The following BRF1 variants were observed in gnomAD, a reference collection of about 807,000 sequenced individuals.
BRF1 encodes the protein transcription factor IIIB 90 kDa subunit.
Under a neutral mutation model 81.7 loss-of-function variants are expected in BRF1, and 59 were observed. The ratio of observed to expected loss-of-function variants is 0.72; its 90% confidence interval spans 0.59 to 0.90. BRF1 has a LOEUF of 0.90. Ranked by LOEUF, BRF1 falls within the 40% of genes least tolerant of loss-of-function variation. The probability of loss-of-function intolerance (pLI) is 0.00; values close to 1 mark genes in which losing one functional copy is unlikely to be tolerated. For synonymous variants in BRF1, 491 were observed against 395.6 expected, an observed-to-expected ratio of 1.24 and a Z score of -2.86; for missense variants, 1,050 against 936.3, an observed-to-expected ratio of 1.12 and a Z score of -1.58.
At chr14:105,241,115 G>T (rs1224226789) in intron 6 of BRF1, 150 bp downstream of exon 6, 2 of 1,284,360 alleles carry the variant, frequency 1.6e-6, no homozygotes, top group East Asian at 4.8e-5. Context: ...GAGGACCCCG[G>T]TGGGCCAGGC....
intron 10 of BRF1, among the ~76,000 whole-genome samples, chr14:105,224,167 G>C (rs140464425): frequency 1.1e-3 from 173 of 152,300 alleles, no homozygotes; most frequent in African/African-American, 3.9e-3. Context: ...TCAGGAGTTC[G>C]AGATCAGCCT....
At position 105,221,896 on chromosome 14, in the gene BRF1, G is replaced by C. The variant is rs776287971; in HGVS notation, c.1067C>G (p.Ala356Gly). Residue 356 changes from alanine to glycine, a missense_variant, in exon 11 of 18, where the codon GCG becomes GGG. This residue lies in a region of BRF1 where 1,043 missense variants were observed against 915.4 expected (regional missense o/e 1.14). Coordinates refer to ENST00000547530, the MANE Select transcript of BRF1 (RefSeq NM_001519.4). ...LAKDGSTEDT[A>G]SSLCGEEDTE... is the part of the protein sequence containing the mutation. ...GTCCTCCTCGCCACACAAGCTGGAC[G>C]CGGTGTCCTCGGTGGAGCCTAGGTG... The C allele has an allele frequency of 6.3e-7, 1 of 1,597,398 alleles. No individual in the cohort carries two copies. Among genetic ancestry groups the C allele is most frequent in the Admixed American group, 1.7e-5 (1 of 58,018 alleles).
rs1371715589 is a variant in BRF1 at position 105,228,895 on chromosome 14, C to G, written c.713G>C (p.Arg238Thr). Residue 238 changes from arginine (R) to threonine (T), a missense_variant, in exon 7 of 18, where the codon AGA becomes ACA. By Grantham distance (71) the Arg-to-Thr change is moderately conservative. Transcript: ENST00000547530. Reference sequence around the variant, plus strand: ...CACAGTCCTCCTGAAGTCATGCATTCTGGCTGCAACCAGGAGCGCTGGAAG... The same window carrying G: ...CACAGTCCTCCTGAAGTCATGCATTGTGGCTGCAACCAGGAGCGCTGGAAG... ...LCGAALLVAA[R>T]MHDFRRTVKE... 3 of 1,613,736 alleles carry G rather than the reference C, an allele frequency of 1.9e-6. No individual in the cohort carries two copies. Among genetic ancestry groups the G allele is most frequent in the East Asian group, 2.2e-5 (1 of 44,890 alleles).
intron 5 of BRF1, chr14:105,248,637 TCGGGCAGGGTCGCA>T: frequency 6.1e-6 from 6 of 978,618 alleles, no homozygotes; most frequent in Non-Finnish European, 6.0e-6. Flanking sequence ...TAGGCTGGGC[TCGGGCAGGGTCGCA>T]GGGGCGGGGG....
intron 5 of BRF1, chr14:105,249,265 C>T (rs2055413212): frequency 1.3e-6 from 2 of 1,564,114 alleles, no homozygotes; most frequent in Admixed American, 1.9e-5. Flanking sequence ...GCGGCGGCCC[C>T]TCTCGGAACG....
chr14:105,241,102 G>T (rs927622796), intron 6 of BRF1, among the ~76,000 whole-genome samples, 163 bp downstream of exon 6: 1 of 152,236 alleles, frequency 6.6e-6, no homozygotes, highest in Non-Finnish European at 1.5e-5. Flanking sequence ...GTCCTGGAGG[G>T]CTGAGGACCC....
intron 5 of BRF1, 38 bp from the exon 6 acceptor site, chr14:105,241,452 T>C (rs773060709): frequency 3.4e-5 from 54 of 1,606,044 alleles, no homozygotes; most frequent in Non-Finnish European, 4.3e-5. Flanking sequence ...CACCTCCATG[T>C]GCCATGGCAC....
chr14:105,298,398 G>A (rs1313307659), intron 1 of BRF1, among the ~76,000 whole-genome samples: 1 of 152,216 alleles, frequency 6.6e-6, no homozygotes. Context: ...CAACAGGGCA[G>A]GACACAAGGC....
chr14:105,251,078 G>A, intron 5 of BRF1: 1 of 212,476 alleles, frequency 4.7e-6, no homozygotes, highest in Non-Finnish European at 1.0e-5. Flanking sequence ...TGTAATAAAG[G>A]TTGCCTAAAA....
Position 105,300,611 on chromosome 14 carries a change from G to T in BRF1, c.19C>A (p.Arg7Ser). The change falls in exon 1 of 18, where the codon CGC becomes AGC. Residue 7 changes from arginine to serine, a missense_variant. By Grantham distance (110) the Arg-to-Ser change is moderately radical. This residue lies in a region of BRF1 where 7 missense variants were observed against 20.9 expected (regional missense o/e 0.33). Transcript: ENST00000547530. The part of the protein sequence containing the change: MTGRVC[R>S]GCGGTDIELD... ...TCGATGTCCGTGCCGCCGCAACCGC[G>T]GCACACGCGGCCCGTCATGCCGGCG... The T allele has an allele frequency of 4.9e-6, 7 of 1,429,434 alleles. No individual in the cohort carries two copies. Among genetic ancestry groups the T allele is most frequent in the Non-Finnish European group, 6.4e-6 (7 of 1,097,124 alleles). 88.5% of individuals were successfully genotyped at this position (1,429,434 alleles called of 1,614,324 possible). A position where few individuals can be genotyped will look rare whatever the true frequency, so the allele number is the denominator to read the frequency against.
chr14:105,241,927 C>G (rs1046169001), intron 5 of BRF1: 9 of 180,920 alleles, frequency 5.0e-5, no homozygotes, highest in African/African-American at 2.1e-4. Flanking sequence ...GCGCTGTGCA[C>G]CTCTGCCAGC....
chr14:105,222,072 C>A, intron 10 of BRF1, 158 bp from the exon 11 acceptor site: 1 of 848,184 alleles, frequency 1.2e-6, no homozygotes, highest in Non-Finnish European at 1.7e-6. Flanking sequence ...TCAGCCCACA[C>A]CTCGCACTGC....
At chr14:105,246,768 A>G (rs1326222275) in intron 5 of BRF1, 2 of 975,716 alleles carry the variant, frequency 2.0e-6, no homozygotes, top group Non-Finnish European at 2.4e-6. Flanking sequence ...ACACTGTAAC[A>G]TATTTAAAAA....
In BRF1 at chr14:105,209,944, C is replaced by T. The variant is rs914057790; in HGVS notation, c.*607G>A. On this transcript the variant is annotated 3_prime_UTR_variant, in exon 18 of 18. Transcript: ENST00000547530. ...CTGGAGGAGGCAGGGGTGGGGGTGT[C>T]TGCCTCGGACGAGGCAGGTATCTGG... The T allele has an allele frequency of 5.8e-6, 2 of 343,358 alleles. No individual in the cohort carries two copies. Among genetic ancestry groups the T allele is most frequent in the Admixed American group, 8.9e-5 (2 of 22,384 alleles). 21.3% of individuals were successfully genotyped at this position (343,358 alleles called of 1,614,324 possible).
At chr14:105,310,157 T>C in intron 1 of BRF1, among the ~76,000 whole-genome samples, 1 of 152,168 alleles carries the variant, frequency 6.6e-6, no homozygotes, top group East Asian at 1.9e-4. Context: ...GTGAATCTTT[T>C]GTAGCTTCTC....
chr14:105,310,287 T>G (rs1043898537), intron 1 of BRF1, among the ~76,000 whole-genome samples: 6 of 151,454 alleles, frequency 4.0e-5, no homozygotes, highest in African/African-American at 1.5e-4. Context: ...TCCCAGCACT[T>G]TGGGAGGTCG....
rs111417905 is a variant in BRF1, at chr14:105,269,621, C to T, written c.439+3100G>A. ...TTGGGCACACACTTAGTAGGAGGAT[C>T]GCTGGAGCGTGTGGGAACTTTGTGG... is the stretch of plus-strand genomic sequence containing the variant. On this transcript the variant is annotated intron_variant, in intron 3 of 17. Coordinates refer to ENST00000547530, the MANE Select transcript of BRF1 (RefSeq NM_001519.4). This position sits in a 1 kb window ranked among gnomAD's most constrained non-coding sequence, Gnocchi z 5.0. Among the ~76,000 whole-genome samples, 1 of 152,084 alleles carries T rather than the reference C, an allele frequency of 6.6e-6. No homozygotes were observed. Among genetic ancestry groups the T allele is most frequent in the African/African-American group, 2.4e-5 (1 of 41,396 alleles).
chr14:105,251,149 T>TG (rs1306056741), intron 5 of BRF1: 2 of 167,664 alleles, frequency 1.2e-5, no homozygotes, highest in Non-Finnish European at 2.7e-5. Flanking sequence ...CTCTTTCTCA[T>TG]GCAACAGAAC....
intron 1 of BRF1, among the ~76,000 whole-genome samples, chr14:105,311,220 C>T (rs950415636): frequency 2.0e-5 from 3 of 152,050 alleles, no homozygotes; most frequent in Admixed American, 6.6e-5. Flanking sequence ...TCCCAAAGTG[C>T]TAAGATTACA....
Sources: allele counts gnomAD v4.1 joint callset (sites outside exome capture counted in the v4.1 genomes callset), GRCh38; gene constraint gnomAD v4.1.1; regional missense constraint gnomAD v4.1.1; non-coding constraint Gnocchi (gnomAD v3.1); transcripts MANE v1.5; gene names NCBI Gene and HGNC (gene_info 2026-07-23, HGNC 2026-07-21).